The following WAC variants were observed in gnomAD, a reference collection of about 807,000 sequenced individuals.
WAC encodes WW domain containing adaptor with coiled-coil.
In WAC, 11 loss-of-function variants were observed where a neutral mutation model predicts 79.6. The observed-to-expected ratio is 0.14, with a 90% confidence interval of 0.09 to 0.23. WAC has a LOEUF of 0.23. WAC is among the 10% of genes least tolerant of loss of function. WAC has a pLI of 1.00. For synonymous variants in WAC, 304 were observed against 276.9 expected (o/e 1.10, Z -0.97); for missense variants, 728 against 773.5 (o/e 0.94, Z 0.70).
chr10:28,609,081 T>G (rs1841097252), intron 8 of WAC, among the ~76,000 whole-genome samples: 1 of 152,212 alleles, frequency 6.6e-6, no homozygotes, highest in Non-Finnish European at 1.5e-5. Flanking sequence ...CGTTAATTCC[T>G]AAAAGCACTG....
rs968466275 is a variant in WAC, at chr10:28,611,884, C to T, written c.1399C>T (p.Pro467Ser). Residue 467 changes from proline to serine, a missense_variant, in exon 10 of 14, where the codon CCT becomes TCT. Transcript: ENST00000354911. ...TPQTNTVPIK[P>S]LISTPPVSSQ... Reference sequence around the variant, plus strand: ...TCAAACTAACACAGTCCCTATCAAACCTTTGATCAGTACTCCTCCTGTTTC... The same window carrying T: ...TCAAACTAACACAGTCCCTATCAAATCTTTGATCAGTACTCCTCCTGTTTC... 3.1e-6 allele frequency: 5 copies of T among 1,614,050 alleles called. No homozygotes were observed. The African/African-American group carries it at 6.7e-5, about 22-fold the overall frequency.
At position 28,543,872 on chromosome 10, in the gene WAC, G is replaced by T. The variant is rs1241941290; in HGVS notation, c.274+8115G>T. 7.9e-5 allele frequency among the ~76,000 whole-genome samples: 12 copies of T among 152,092 alleles called. No homozygotes were observed. In the South Asian group the frequency reaches 1.5e-3, roughly 18 times the overall value. On this transcript the variant is annotated intron_variant, in intron 3 of 13. Transcript: ENST00000354911. ...TTCCAGAATTGGTTTCCTTTGTTTT[G>T]TTTTTTGTTGTTGCTGTTGTTGTAC...
At chr10:28,587,287 T>G (rs570269283) in intron 4 of WAC, among the ~76,000 whole-genome samples, 4 of 152,212 alleles carry the variant, frequency 2.6e-5, no homozygotes, top group Admixed American at 1.3e-4. Context: ...ATGTTTGACT[T>G]AATAGAAAAA....
chr10:28,533,866 C>G, intron 1 of WAC, 132 bp from the exon 2 acceptor site: 1 of 1,174,014 alleles, frequency 8.5e-7, no homozygotes, highest in Non-Finnish European at 1.2e-6. Context: ...GTGCCGTGTG[C>G]GTGCGGGGCT....
At chr10:28,614,828 A>T (rs1236333568) in intron 11 of WAC, 143 bp downstream of exon 11, 9 of 677,240 alleles carry the variant, frequency 1.3e-5, no homozygotes, top group Non-Finnish European at 1.9e-5. Context: ...TGTAAAATTT[A>T]CAAAGACAAA....
intron 4 of WAC, among the ~76,000 whole-genome samples, chr10:28,585,104 G>T (rs1839747792): frequency 6.6e-6 from 1 of 151,970 alleles, no homozygotes; most frequent in South Asian, 2.1e-4. Flanking sequence ...TTTTAACACA[G>T]AATTTAATAT....
intron 3 of WAC, among the ~76,000 whole-genome samples, chr10:28,568,373 A>C (rs2132531782): frequency 6.6e-6 from 1 of 152,090 alleles, no homozygotes; most frequent in South Asian, 2.1e-4. Flanking sequence ...TTAGATACTA[A>C]GTTCTTTTTT....
At chr10:28,564,566 A>G (rs886816498) in intron 3 of WAC, among the ~76,000 whole-genome samples, 1 of 152,206 alleles carries the variant, frequency 6.6e-6, no homozygotes, top group East Asian at 1.9e-4. Flanking sequence ...ACAATACCAC[A>G]CTACTCATGC....
intron 3 of WAC, among the ~76,000 whole-genome samples, chr10:28,542,028 G>T (rs1364825262): frequency 2.0e-5 from 3 of 152,126 alleles, no homozygotes; most frequent in Non-Finnish European, 2.9e-5. Flanking sequence ...GTGTAATCTG[G>T]TGTCTGGGTA....
At position 28,541,434 on chromosome 10, in the gene WAC, T is replaced by G. The variant is rs1028520373; in HGVS notation, c.274+5677T>G. Among the ~76,000 whole-genome samples, 15 of 142,704 alleles carry G rather than the reference T, an allele frequency of 1.1e-4. 1 individual carries two copies. The highest frequency in any genetic ancestry group is 1.5e-4 in the Non-Finnish European group (10 of 65,388). 93.6% of individuals were successfully genotyped at this position (142,704 alleles called of 152,430 possible). ...GTGTGTGTTTTGTTTTTTTTTTTTTTTTTTTTTTTTTTAAGACAGTCTCAC... is the reference window on the plus strand; with the variant it reads ...GTGTGTGTTTTGTTTTTTTTTTTTTGTTTTTTTTTTTTAAGACAGTCTCAC... On this transcript the variant is annotated intron_variant, in intron 3 of 13. Coordinates refer to ENST00000354911, the MANE Select transcript of WAC (RefSeq NM_016628.5).
intron 3 of WAC, among the ~76,000 whole-genome samples, chr10:28,541,435 T>TTG (rs1564372929): frequency 5.6e-5 from 8 of 142,920 alleles, no homozygotes; most frequent in East Asian, 4.0e-4. Context: ...TTTTTTTTTT[T>TTG]TTTTTTTTTT....
intron 8 of WAC, 127 bp from the exon 9 acceptor site, chr10:28,610,572 C>CTAAA (rs940796839): frequency 1.7e-5 from 17 of 972,448 alleles, no homozygotes; most frequent in African/African-American, 1.5e-4. Flanking sequence ...ATCTAGTAGG[C>CTAAA]TTTTATTTTG....
chr10:28,542,313 T>C (rs769901620), intron 3 of WAC, among the ~76,000 whole-genome samples: 4 of 152,322 alleles, frequency 2.6e-5, no homozygotes, highest in Admixed American at 1.3e-4. Flanking sequence ...TGACCTGTTA[T>C]GATTTACTTA....
At chr10:28,570,184 T>C in intron 3 of WAC, among the ~76,000 whole-genome samples, 1 of 152,238 alleles carries the variant, frequency 6.6e-6, no homozygotes, top group Non-Finnish European at 1.5e-5. Flanking sequence ...ACCACATATT[T>C]TTGGGAAAAG....
intron 3 of WAC, among the ~76,000 whole-genome samples, chr10:28,579,360 A>T (rs1589189921): frequency 1.3e-5 from 2 of 151,872 alleles, no homozygotes; most frequent in African/African-American, 4.8e-5. Flanking sequence ...CCCTTTATGC[A>T]CTCTGTCTCT....
At chr10:28,551,521 G>C (rs1837666365) in intron 3 of WAC, among the ~76,000 whole-genome samples, 1 of 152,170 alleles carries the variant, frequency 6.6e-6, no homozygotes, top group African/African-American at 2.4e-5. Context: ...GGAAAAGCCA[G>C]GGGCCACATA....
intron 3 of WAC, among the ~76,000 whole-genome samples, chr10:28,571,867 T>C (rs1838990980): frequency 6.6e-6 from 1 of 152,258 alleles, no homozygotes; most frequent in Non-Finnish European, 1.5e-5. Flanking sequence ...CTCAGTTTTT[T>C]AGCTATATTA....
At chr10:28,536,381 A>T (rs940684147) in intron 3 of WAC, among the ~76,000 whole-genome samples, 1 of 152,142 alleles carries the variant, frequency 6.6e-6, no homozygotes, top group Non-Finnish European at 1.5e-5. Flanking sequence ...CCTTTTAAAG[A>T]TTTCAGTTTG....
Position 28,617,657 on chromosome 10 carries a change from G to A in WAC, c.1747G>A (p.Ala583Thr). 1 of 1,551,768 alleles carries A rather than the reference G, an allele frequency of 6.4e-7. No homozygotes were observed. Among genetic ancestry groups the A allele is most frequent in the Non-Finnish European group, 8.6e-7 (1 of 1,158,864 alleles). ...GWPADHAEKQ[A>T]SRLREEAHNM... ...GTTTTCTTCATTTCTTTAATTACAG[G>A]CATCAAGATTACGCGAAGAAGCGCA... The change falls in exon 13 of 14, where the codon GCA (alanine) becomes ACA (threonine). Residue 583 changes from alanine (A) to threonine (T), a missense_variant and splice_region_variant. Ala to Thr is a moderately conservative substitution (Grantham distance 58, BLOSUM62 0). Around this residue, in one of 3 missense-constraint regions of WAC, gnomAD observed 66 missense variants for 78.9 expected, o/e 0.84. Coordinates refer to ENST00000354911, the MANE Select transcript of WAC (RefSeq NM_016628.5).
Sources: allele counts gnomAD v4.1 joint callset (sites outside exome capture counted in the v4.1 genomes callset), GRCh38; gene constraint gnomAD v4.1.1; regional missense constraint gnomAD v4.1.1; transcripts MANE v1.5; gene names NCBI Gene and HGNC (gene_info 2026-07-23, HGNC 2026-07-21).